Variants in TSNARE1 observed in about 807,000 individuals in gnomAD.
TSNARE1 encodes the protein t-SNARE domain-containing protein 1.
In TSNARE1, 49 loss-of-function variants were observed where a neutral mutation model predicts 62.0. The observed-to-expected ratio is 0.79, with a 90% CI of 0.63 to 1.00. The LOEUF (loss-of-function observed/expected upper bound fraction) is 1.00, where lower values mean the gene tolerates loss of function less well. Among genes scored for constraint, TSNARE1 ranks in the 50% least tolerant of loss-of-function variants. The pLI, the probability that TSNARE1 is intolerant of heterozygous loss-of-function variation, is 0.00. For synonymous variants in TSNARE1, 328 were observed against 294.4 expected (o/e 1.11, Z -1.17); for missense variants, 755 against 700.1 (o/e 1.08, Z -0.88).
chr8:142,378,538 T>C (rs1410033425), intron 1 of TSNARE1, among the ~76,000 whole-genome samples: 1 of 152,172 alleles, frequency 6.6e-6, no homozygotes, highest in African/African-American at 2.4e-5. Context: ...AGGAGATCTA[T>C]TACAAAGCCG....
At chr8:142,238,248 C>T (rs1335316381) in intron 12 of TSNARE1, among the ~76,000 whole-genome samples, 2 of 152,162 alleles carry the variant, frequency 1.3e-5, no homozygotes, top group Non-Finnish European at 2.9e-5. Context: ...TCGACTGGGC[C>T]TGGCCCCTCT....
rs1470000357 is a variant in TSNARE1, at chr8:142,301,450, TTCCCC to T, written c.1132-811_1132-807del. Among the ~76,000 whole-genome samples, 10 of 112,834 alleles carry T rather than the reference TTCCCC, an allele frequency of 8.9e-5. No individual in the cohort carries two copies. In the Admixed American group the frequency reaches 9.1e-4, roughly 10 times the overall value. 74.0% of individuals were successfully genotyped at this position (112,834 alleles called of 152,430 possible). A position where few individuals can be genotyped will look rare whatever the true frequency, so the allele number is the denominator to read the frequency against. On this transcript the variant is annotated intron_variant, in intron 9 of 13. Coordinates refer to ENST00000524325, the MANE Select transcript of TSNARE1 (RefSeq NM_145003.5). The stretch of plus-strand genomic sequence containing the variant: ...CCCTGCCCATGCCAGCGGGCCTTCC[TTCCCC>T]TCCCGTCAGGAGCCCACAGTGCCCC...
chr8:142,218,059 A>G (rs954263029), intron 13 of TSNARE1, among the ~76,000 whole-genome samples: 11 of 68,802 alleles, frequency 1.6e-4, no homozygotes, highest in African/African-American at 4.4e-4. Context: ...CAGGGCTCAG[A>G]GTGTGAGCAG....
intron 10 of TSNARE1, among the ~76,000 whole-genome samples, chr8:142,284,877 T>C (rs1822419135): frequency 6.6e-6 from 1 of 152,216 alleles, no homozygotes; most frequent in African/African-American, 2.4e-5. Context: ...TGTAAAGGCC[T>C]GACTGCAAGA....
intron 12 of TSNARE1, among the ~76,000 whole-genome samples, chr8:142,248,604 G>A (rs537584097): frequency 6.2e-4 from 95 of 152,350 alleles, no homozygotes; most frequent in African/African-American, 2.2e-3. Flanking sequence ...ACTGCAGATG[G>A]TCTGGAAACT....
chr8:142,278,605 C>T (rs1422946127), intron 11 of TSNARE1: 7 of 985,414 alleles, frequency 7.1e-6, no homozygotes, highest in South Asian at 9.4e-5. Context: ...CAGGAGGAAG[C>T]ACGGAGCCAG....
intron 1 of TSNARE1, among the ~76,000 whole-genome samples, chr8:142,398,701 A>G (rs1838074290): frequency 6.6e-6 from 1 of 152,194 alleles, no homozygotes; most frequent in Non-Finnish European, 1.5e-5. Context: ...GCCTTAGCAT[A>G]GTCTCACAGA....
At chr8:142,320,402 C>G (rs1310176426) in intron 6 of TSNARE1, among the ~76,000 whole-genome samples, 2 of 151,606 alleles carry the variant, frequency 1.3e-5, no homozygotes, top group Non-Finnish European at 2.9e-5. Flanking sequence ...GCAACTTCAC[C>G]TCCCCACACC....
intron 7 of TSNARE1, among the ~76,000 whole-genome samples, chr8:142,317,081 G>C (rs530422717): frequency 6.6e-6 from 1 of 151,830 alleles, no homozygotes; most frequent in East Asian, 1.9e-4. Context: ...CATGAAGCGG[G>C]TATGGCCAGC....
Position 142,386,855 on chromosome 8 carries a change from T to C in TSNARE1, c.-40+16249A>G, listed in dbSNP as rs1006941960. Among the ~76,000 whole-genome samples, 6 of 152,090 alleles carry C rather than the reference T, an allele frequency of 3.9e-5. No homozygotes were observed. The East Asian group carries it at 1.2e-3, about 29-fold the overall frequency. ...ACAAGGAGAAACAGACAGAAACATA[T>C]CAATGGTAGACATTAATTCACTCCT... On this transcript the variant is annotated intron_variant, in intron 1 of 13. Coordinates refer to ENST00000524325, the MANE Select transcript of TSNARE1 (RefSeq NM_145003.5).
chr8:142,222,775 T>C (rs201272122), intron 13 of TSNARE1, among the ~76,000 whole-genome samples: 21 of 53,358 alleles, frequency 3.9e-4, no homozygotes, highest in East Asian at 1.3e-3. Flanking sequence ...CATTCACTCA[T>C]CCACTCACTC....
rs550205614 is a variant in TSNARE1 at position 142,280,549 on chromosome 8, G to A, written c.1363+3864C>T. On this transcript the variant is annotated intron_variant, in intron 11 of 13. Transcript: ENST00000524325. The stretch of plus-strand genomic sequence containing the variant: ...GCAGGTGCCCTCTGCCCTCCCCGGA[G>A]CCCTGACCACGTGTGGTGGGTCAGC... 9.2e-5 allele frequency among the ~76,000 whole-genome samples: 14 copies of A among 152,284 alleles called. No individual in the cohort carries two copies. The South Asian group carries it at 2.1e-3, about 23-fold the overall frequency.
At chr8:142,284,728 G>C (rs1822390883) in intron 10 of TSNARE1, among the ~76,000 whole-genome samples, 1 of 152,216 alleles carries the variant, frequency 6.6e-6, no homozygotes, top group Non-Finnish European at 1.5e-5. Context: ...AGGGATCTGA[G>C]TGCTCCATCT....
chr8:142,232,282 G>A (rs1224066378), intron 12 of TSNARE1, among the ~76,000 whole-genome samples: 1 of 152,246 alleles, frequency 6.6e-6, no homozygotes, highest in Non-Finnish European at 1.5e-5. Flanking sequence ...CCAGGCAGCT[G>A]ACAGGCCCGG....
rs1554624428 is a variant in TSNARE1 at position 142,223,313 on chromosome 8, C to CTCGT, written c.*11+6159_*11+6160insACGA. ...ACTCACTCAACCACTCACTCATTCACTCACTCATTCACTCACTCGTTCACT... is the reference window on the plus strand; with the variant it reads ...ACTCACTCAACCACTCACTCATTCACTCGTTCACTCATTCACTCACTCGTTCACT... On this transcript the variant is annotated intron_variant, in intron 13 of 13. Transcript: ENST00000524325. Among the ~76,000 whole-genome samples the CTCGT allele has an allele frequency of 4.9e-3, 308 of 62,814 alleles. 32 individuals are homozygous for CTCGT. Among genetic ancestry groups the CTCGT allele is most frequent in the East Asian group, 0.035 (57 of 1,646 alleles). The allele number at this position is 62,814 out of a possible 152,430, so 41.2% of individuals were successfully genotyped here. A position where few individuals can be genotyped will look rare whatever the true frequency, so the allele number is the denominator to read the frequency against.
At chr8:142,262,694 C>G (rs34721137) in intron 12 of TSNARE1, among the ~76,000 whole-genome samples, 1 of 152,028 alleles carries the variant, frequency 6.6e-6, no homozygotes, top group Non-Finnish European at 1.5e-5. Context: ...CTCTCTTGCT[C>G]CTGCTCCAGG....
chr8:142,402,993 ACGCCG>A (rs1251067450), intron 1 of TSNARE1, 106 bp downstream of exon 1: 1 of 93,250 alleles, frequency 1.1e-5, no homozygotes, highest in Non-Finnish European at 2.2e-5. Context: ...ATACCACGCC[ACGCCG>A]CGGCCCCCGC....
intron 12 of TSNARE1, among the ~76,000 whole-genome samples, chr8:142,245,694 A>G (rs762644911): frequency 6.6e-5 from 10 of 152,378 alleles, no homozygotes; most frequent in Non-Finnish European, 1.2e-4. Context: ...TTAAAACTAC[A>G]TAAGAGCAAT....
intron 12 of TSNARE1, among the ~76,000 whole-genome samples, chr8:142,256,668 G>A (rs570624871): frequency 6.6e-6 from 1 of 151,628 alleles, no homozygotes; most frequent in East Asian, 1.9e-4. Context: ...TGCTTTCACA[G>A]GCAATCCTGA....
Sources: allele counts gnomAD v4.1 joint callset (sites outside exome capture counted in the v4.1 genomes callset), GRCh38; gene constraint gnomAD v4.1.1; transcripts MANE v1.5; gene names NCBI Gene and HGNC (gene_info 2026-07-23, HGNC 2026-07-21).